Variants in KIF6 observed in about 807,000 individuals in gnomAD.
KIF6 encodes kinesin-like protein KIF6.
Under a neutral mutation model 112.7 loss-of-function variants are expected in KIF6, and 106 were observed. The ratio of observed to expected loss-of-function variants is 0.94; its 90% confidence interval spans 0.80 to 1.11. The LOEUF (loss-of-function observed/expected upper bound fraction) is 1.11, where lower values mean the gene tolerates loss of function less well. KIF6 is among the 50% of genes least tolerant of loss of function. The probability of loss-of-function intolerance (pLI) is 0.00; values close to 1 mark genes in which losing one functional copy is unlikely to be tolerated. For missense variants in KIF6, 929 were observed against 964.0 expected, an observed-to-expected ratio of 0.96 and a Z score of 0.48; for synonymous variants, 339 against 339.9, an observed-to-expected ratio of 1.00 and a Z score of 0.03.
intron 3 of KIF6, among the ~76,000 whole-genome samples, chr6:39,694,409 T>A (rs1788406609): frequency 6.6e-6 from 1 of 152,192 alleles, no homozygotes; most frequent in Non-Finnish European, 1.5e-5. Flanking sequence ...TTTCTATACC[T>A]AGAAAACCTT....
chr6:39,489,692 CT>C (rs1775348161), intron 13 of KIF6, among the ~76,000 whole-genome samples: 1 of 152,032 alleles, frequency 6.6e-6, no homozygotes, highest in South Asian at 2.1e-4. Flanking sequence ...CTAAGGAGAG[CT>C]ATGTGACAAG....
intron 16 of KIF6, among the ~76,000 whole-genome samples, chr6:39,362,788 G>C (rs1428332692): frequency 6.6e-6 from 1 of 152,106 alleles, no homozygotes; most frequent in Non-Finnish European, 1.5e-5. Flanking sequence ...TTTTACTATT[G>C]AGCTCATTCA....
chr6:39,602,983 C>T (rs1221802128), intron 6 of KIF6, among the ~76,000 whole-genome samples: 1 of 152,152 alleles, frequency 6.6e-6, no homozygotes, highest in East Asian at 1.9e-4. Context: ...AATATCCAAA[C>T]CCTGGAACAA....
At chr6:39,515,465 G>A (rs967308318) in intron 13 of KIF6, among the ~76,000 whole-genome samples, 20 of 152,148 alleles carry the variant, frequency 1.3e-4, no homozygotes, top group Middle Eastern at 3.2e-3. Context: ...TATTCCTCCC[G>A]GCTTACAGCC....
intron 13 of KIF6, among the ~76,000 whole-genome samples, chr6:39,494,482 T>C (rs529308330): frequency 1.3e-5 from 2 of 152,234 alleles, no homozygotes; most frequent in South Asian, 2.1e-4. Context: ...AGAGAAGAGG[T>C]AGATACTTCC....
At chr6:39,636,454 C>A (rs1029467484) in intron 4 of KIF6, among the ~76,000 whole-genome samples, 2 of 151,956 alleles carry the variant, frequency 1.3e-5, no homozygotes, top group African/African-American at 4.8e-5. Context: ...CTTATCCCAA[C>A]AAATGGCCTA....
chr6:39,511,263 C>T (rs879783323), intron 13 of KIF6, among the ~76,000 whole-genome samples: 17 of 152,088 alleles, frequency 1.1e-4, no homozygotes, highest in Admixed American at 3.9e-4. Context: ...AAAACAACCT[C>T]GTCAAAAAGT....
chr6:39,612,124 G>A (rs1399206605), intron 6 of KIF6, among the ~76,000 whole-genome samples: 4 of 152,092 alleles, frequency 2.6e-5, no homozygotes, highest in Non-Finnish European at 4.4e-5. Flanking sequence ...ATATCAATAC[G>A]ATGCTTTCAG....
At chr6:39,567,733 G>A (rs982254265) in intron 10 of KIF6, among the ~76,000 whole-genome samples, 8 of 151,578 alleles carry the variant, frequency 5.3e-5, no homozygotes, top group Admixed American at 2.0e-4. Context: ...TCAGCCTCCC[G>A]AGTAGCTGGG....
At chr6:39,489,989 C>T (rs1362380912) in intron 13 of KIF6, among the ~76,000 whole-genome samples, 1 of 152,160 alleles carries the variant, frequency 6.6e-6, no homozygotes, top group Non-Finnish European at 1.5e-5. Flanking sequence ...AAAGCTCTTA[C>T]TAAATTAAAT....
At chr6:39,466,875 T>G (rs1303083794) in intron 13 of KIF6, among the ~76,000 whole-genome samples, 1 of 152,188 alleles carries the variant, frequency 6.6e-6, no homozygotes, top group Non-Finnish European at 1.5e-5. Context: ...CTTTGCCTGC[T>G]CATAAAGTGA....
intron 19 of KIF6, among the ~76,000 whole-genome samples, chr6:39,356,833 TC>T (rs1562125998): frequency 6.6e-6 from 1 of 152,140 alleles, no homozygotes; most frequent in African/African-American, 2.4e-5. Context: ...CTCTGGGCCA[TC>T]CTCATGTGGT....
intron 16 of KIF6, among the ~76,000 whole-genome samples, chr6:39,383,376 G>T (rs1391932480): frequency 6.6e-6 from 1 of 151,934 alleles, no homozygotes; most frequent in African/African-American, 2.4e-5. Flanking sequence ...TTCATTCTCT[G>T]CAAACGGTTA....
intron 12 of KIF6, 52 bp downstream of exon 12, chr6:39,544,502 AC>A: frequency 1.3e-6 from 2 of 1,567,780 alleles, no homozygotes; most frequent in Non-Finnish European, 1.7e-6. Flanking sequence ...ACTGCTGTTT[AC>A]CCCTTTCAAA....
At chr6:39,723,105 C>T (rs1338009613) in intron 1 of KIF6, among the ~76,000 whole-genome samples, 3 of 152,124 alleles carry the variant, frequency 2.0e-5, no homozygotes, top group African/African-American at 7.2e-5. Flanking sequence ...ATGTTACATA[C>T]AATACACTTT....
At chr6:39,398,498 G>C (rs1268490260) in intron 15 of KIF6, among the ~76,000 whole-genome samples, 2 of 152,250 alleles carry the variant, frequency 1.3e-5, no homozygotes, top group African/African-American at 4.8e-5. Flanking sequence ...CCTTCTATGA[G>C]AAAGTCTGGA....
chr6:39,471,184 T>C (rs1026821152), intron 13 of KIF6, among the ~76,000 whole-genome samples: 4 of 152,212 alleles, frequency 2.6e-5, no homozygotes, highest in Non-Finnish European at 5.9e-5. Context: ...ATAGTCTCCA[T>C]GGTTCCTTCC....
At chr6:39,485,529 C>T (rs1775060114) in intron 13 of KIF6, among the ~76,000 whole-genome samples, 1 of 152,098 alleles carries the variant, frequency 6.6e-6, no homozygotes, top group African/African-American at 2.4e-5. Flanking sequence ...TAGAACAGGG[C>T]TTGACACATA....
intron 2 of KIF6, among the ~76,000 whole-genome samples, chr6:39,719,899 C>T (rs1033221121): frequency 6.6e-6 from 1 of 152,156 alleles, no homozygotes; most frequent in Non-Finnish European, 1.5e-5. Context: ...GGGAGGATCA[C>T]TGGAGCCCAG....
Sources: gnomAD v4.1 joint callset for allele counts (sites outside exome capture counted in the v4.1 genomes callset) on GRCh38, gnomAD v4.1.1 for gene constraint, MANE v1.5 for transcripts, NCBI Gene and HGNC (gene_info 2026-07-23, HGNC 2026-07-21) for gene names.